INPP4B: variants seen among roughly 807,000 people sequenced by gnomAD.
The protein encoded by INPP4B is inositol polyphosphate-4-phosphatase type II B, also known as inositol polyphosphate 4-phosphatase type II.
In INPP4B, 55 loss-of-function variants were observed where a neutral mutation model predicts 122.5. The observed-to-expected ratio is 0.45, with a 90% CI of 0.36 to 0.56. The LOEUF is 0.56. Among genes scored for constraint, INPP4B ranks in the 20% least tolerant of loss-of-function variants. The probability of loss-of-function intolerance (pLI) is 0.00; values close to 1 mark genes in which losing one functional copy is unlikely to be tolerated. For missense variants in INPP4B, 1,000 were observed against 1,097.7 expected (o/e 0.91, Z 1.26); for synonymous variants, 403 against 388.7 (o/e 1.04, Z -0.43).
rs186492371 is a variant in INPP4B at position 142,211,156 on chromosome 4, A to T, written c.837-2130T>A. 1.6e-3 allele frequency among the ~76,000 whole-genome samples: 240 copies of T among 152,348 alleles called. 1 individual carries two copies. Among genetic ancestry groups the T allele is most frequent in the African/African-American group, 5.1e-3 (212 of 41,578 alleles). On this transcript the variant is annotated intron_variant, in intron 12 of 25. Coordinates refer to ENST00000262992, the MANE Select transcript of INPP4B (RefSeq NM_001101669.3). ...AGAAAAGTTCCAATATAGGGGAACT[A>T]TATGATAAAAGTGTAATAAACCAGA...
At chr4:142,403,821 C>G (rs1172630479) in intron 6 of INPP4B, among the ~76,000 whole-genome samples, 1 of 152,110 alleles carries the variant, frequency 6.6e-6, no homozygotes, top group African/African-American at 2.4e-5. Flanking sequence ...ATACATTTTG[C>G]TTGGCACTGC....
intron 23 of INPP4B, among the ~76,000 whole-genome samples, chr4:142,105,127 C>T (rs910001403): frequency 2.0e-5 from 3 of 152,152 alleles, no homozygotes; most frequent in Non-Finnish European, 2.9e-5. Flanking sequence ...GAAAGACAGA[C>T]ACAGAGGCCA....
chr4:142,725,342 A>T (rs1238680518), intron 2 of INPP4B, among the ~76,000 whole-genome samples: 2 of 152,140 alleles, frequency 1.3e-5, no homozygotes, highest in Admixed American at 1.3e-4. Context: ...TGTATTTTGC[A>T]TGAGGGTGTC....
intron 2 of INPP4B, among the ~76,000 whole-genome samples, chr4:142,677,214 T>C (rs975407217): frequency 6.6e-6 from 1 of 152,086 alleles, no homozygotes; most frequent in African/African-American, 2.4e-5. Context: ...AAAGAAGACA[T>C]TTATGCAGCT....
At chr4:142,208,857 G>GC in intron 13 of INPP4B, 39 bp downstream of exon 13, 3 of 1,396,392 alleles carry the variant, frequency 2.1e-6, no homozygotes, top group Non-Finnish European at 2.9e-6. Context: ...TGCAGGAAAT[G>GC]CAATTCACTT....
At chr4:142,253,960 A>G (rs930372677) in intron 11 of INPP4B, among the ~76,000 whole-genome samples, 7 of 152,204 alleles carry the variant, frequency 4.6e-5, no homozygotes, top group African/African-American at 1.7e-4. Flanking sequence ...TCCCTGTCTG[A>G]CAGCTTTGAA....
rs538196219 is a variant in INPP4B, at chr4:142,790,033, G to A, written c.-254+56176C>T. 5.3e-5 allele frequency among the ~76,000 whole-genome samples: 8 copies of A among 152,224 alleles called. No individual in the cohort carries two copies. The East Asian group carries it at 1.2e-3, about 22-fold the overall frequency. Reference sequence around the variant, plus strand: ...TGGGATAATTGGCTAGCCACATGTAGGAGAATGAAACTGGATCCTCATCTC... The same window carrying A: ...TGGGATAATTGGCTAGCCACATGTAAGAGAATGAAACTGGATCCTCATCTC... On this transcript the variant is annotated intron_variant, in intron 1 of 25. Coordinates refer to ENST00000262992, the MANE Select transcript of INPP4B (RefSeq NM_001101669.3).
intron 2 of INPP4B, among the ~76,000 whole-genome samples, chr4:142,537,368 C>A (rs79970250): frequency 0.059 from 6,775 of 114,346 alleles, 224 homozygotes; most frequent in Non-Finnish European, 0.082. Flanking sequence ...AGAAAAAAAA[C>A]CAGTTATCAG....
chr4:142,104,313 G>C (rs1450323578), intron 23 of INPP4B, among the ~76,000 whole-genome samples: 1 of 152,128 alleles, frequency 6.6e-6, no homozygotes, highest in South Asian at 2.1e-4. Flanking sequence ...ATTTACAGAC[G>C]TACTATTTTA....
At chr4:142,226,473 T>C (rs1851638449) in intron 12 of INPP4B, among the ~76,000 whole-genome samples, 1 of 152,232 alleles carries the variant, frequency 6.6e-6, no homozygotes, top group Non-Finnish European at 1.5e-5. Context: ...GAAGATGTTA[T>C]ATTCAGTGCT....
Position 142,145,967 on chromosome 4 carries a change from G to A in INPP4B, c.1593C>T (p.Ser531=), listed in dbSNP as rs1231126310. 2.5e-6 allele frequency: 4 copies of A among 1,613,402 alleles called. No individual in the cohort carries two copies. Among genetic ancestry groups the A allele is most frequent in the Non-Finnish European group, 3.4e-6 (4 of 1,179,556 alleles). The change falls in exon 18 of 26, where the codon AGC becomes AGT. Residue 531 remains serine, a synonymous_variant. Transcript: ENST00000262992. ...CCACCATAGCAATAATGCAGTTCAG[G>A]CTCTTCCCCACATTGGCCCACACCC... The part of the protein sequence containing the change: ...WDRVWANVGK[S]LNCIIAMVDK...
intron 9 of INPP4B, among the ~76,000 whole-genome samples, chr4:142,299,737 T>C (rs564554942): frequency 3.3e-5 from 5 of 152,232 alleles, no homozygotes; most frequent in Admixed American, 1.3e-4. Context: ...CAAAATATTT[T>C]AGACGTGGAA....
intron 3 of INPP4B, among the ~76,000 whole-genome samples, chr4:142,435,839 A>G (rs1418964469): frequency 6.6e-6 from 1 of 152,184 alleles, no homozygotes; most frequent in Non-Finnish European, 1.5e-5. Flanking sequence ...CCACAGAGCC[A>G]TGCAGATTCT....
At chr4:142,635,530 A>C (rs1346963292) in intron 2 of INPP4B, among the ~76,000 whole-genome samples, 1 of 152,222 alleles carries the variant, frequency 6.6e-6, no homozygotes, top group Non-Finnish European at 1.5e-5. Context: ...TGCAGCCATA[A>C]AAAGAACAAG....
In INPP4B at chr4:142,846,131, TC is replaced by T. The variant is rs1784180477; in HGVS notation, c.-254+77del. 2 of 151,830 alleles carry T rather than the reference TC, an allele frequency of 1.3e-5. No individual in the cohort carries two copies. Among genetic ancestry groups the T allele is most frequent in the Admixed American group, 1.3e-4 (2 of 15,244 alleles). The allele number at this position is 151,830 out of a possible 1,614,324, so 9.4% of individuals were successfully genotyped here. A position where few individuals can be genotyped will look rare whatever the true frequency, so the allele number is the denominator to read the frequency against. ...ACGCTCTCAGACACGCTCCCTCGCC[TC>T]CCGGATTACCCACCATCAACCACCC... is the stretch of plus-strand genomic sequence containing the variant. On this transcript the variant is annotated intron_variant, in intron 1 of 25. Transcript: ENST00000262992. This position sits in a 1 kb window ranked among gnomAD's most constrained non-coding sequence, Gnocchi z 5.1.
At chr4:142,049,151 A>T (rs1039147251) in intron 25 of INPP4B, among the ~76,000 whole-genome samples, 1 of 151,838 alleles carries the variant, frequency 6.6e-6, no homozygotes, top group African/African-American at 2.4e-5. Flanking sequence ...TACAGTAATT[A>T]AAAAAAATGT....
chr4:142,175,247 C>T (rs1827581655), intron 15 of INPP4B, among the ~76,000 whole-genome samples: 2 of 152,212 alleles, frequency 1.3e-5, no homozygotes, highest in African/African-American at 4.8e-5. Context: ...TATTCCTCAT[C>T]TTGAAACCTC....
intron 11 of INPP4B, among the ~76,000 whole-genome samples, chr4:142,253,525 G>C (rs1271086044): frequency 7.9e-5 from 12 of 152,218 alleles, no homozygotes; most frequent in Non-Finnish European, 1.6e-4. Flanking sequence ...AGCAGGGCGA[G>C]GCATTGCCTC....
chr4:142,465,652 TG>T (rs1287184694), intron 2 of INPP4B, among the ~76,000 whole-genome samples: 2 of 152,158 alleles, frequency 1.3e-5, no homozygotes, highest in Non-Finnish European at 2.9e-5. Flanking sequence ...ATATGGGGTT[TG>T]GATGTTTGTC....
Sources: allele counts gnomAD v4.1 joint callset (sites outside exome capture counted in the v4.1 genomes callset), GRCh38; gene constraint gnomAD v4.1.1; non-coding constraint Gnocchi (gnomAD v3.1); transcripts MANE v1.5; gene names NCBI Gene and HGNC (gene_info 2026-07-23, HGNC 2026-07-21).